DCHS2: variants seen among roughly 807,000 people sequenced by gnomAD.
DCHS2 encodes protocadherin-23.
A neutral mutation model predicts 182.4 loss-of-function variants in DCHS2; 142 were observed. That is an observed-to-expected ratio of 0.78 (90% CI 0.68 to 0.89). The LOEUF is 0.89. Ranked by LOEUF, DCHS2 falls within the 40% of genes least tolerant of loss-of-function variation. The pLI, the probability that DCHS2 is intolerant of heterozygous loss-of-function variation, is 0.00. For synonymous variants in DCHS2, 1,740 were observed against 1,663.3 expected, an observed-to-expected ratio of 1.05 and a Z score of -1.12; for missense variants, 4,319 against 4,198.6, an observed-to-expected ratio of 1.03 and a Z score of -0.79.
chr4:154,447,897 A>C (rs1734368592), intron 1 of DCHS2, among the ~76,000 whole-genome samples: 1 of 152,172 alleles, frequency 6.6e-6, no homozygotes, highest in Non-Finnish European at 1.5e-5. Flanking sequence ...TCCCTTAAAC[A>C]CACTCCCTCA....
chr4:154,250,109 A>C (rs752774223), intron 16 of DCHS2, among the ~76,000 whole-genome samples: 2 of 152,186 alleles, frequency 1.3e-5, no homozygotes, highest in African/African-American at 2.4e-5. Flanking sequence ...GTGAGCATCC[A>C]TGGATTTTTG....
At chr4:154,395,965 T>C (rs987349797) in intron 1 of DCHS2, among the ~76,000 whole-genome samples, 8 of 152,228 alleles carry the variant, frequency 5.3e-5, no homozygotes, top group Non-Finnish European at 1.2e-4. Flanking sequence ...GGAAGAGTTA[T>C]TCAAGGGAAG....
chr4:154,320,598 G>A lies in DCHS2; in HGVS notation c.4801C>T (p.Leu1601=). ...ACTATTTGTGCTGTCAGTGATCTCA[G>A]TCGCCGGTCTGTCACATTCACAGCC... ...DQAVNVTDRR[L]RSLTAQIVIL... Residue 1601 remains leucine (L), a synonymous_variant, in exon 9 of 20, where the codon CTG becomes TTG. Transcript: ENST00000357232. The A allele has an allele frequency of 6.2e-7, 1 of 1,614,108 alleles. No individual in the cohort carries two copies. Among genetic ancestry groups the A allele is most frequent in the Non-Finnish European group, 8.5e-7 (1 of 1,179,994 alleles).
At position 154,235,301 on chromosome 4, in the gene DCHS2, C is replaced by G; in HGVS notation, c.9351G>C (p.Lys3117Asn). 6.2e-7 allele frequency: 1 copy of G among 1,614,094 alleles called. No individual in the cohort carries two copies. The highest frequency in any genetic ancestry group is 8.5e-7 in the Non-Finnish European group (1 of 1,179,976). ...GGTCACTCAGAGCTGAGTCTGAGCA[C>G]TTTCTGTAGGGATGCTCATTTATCC... is the stretch of plus-strand genomic sequence containing the variant. ...IQRINEHPYR[K>N]CSDSALSDHE... The change falls in exon 20 of 20, where the codon AAG (lysine) becomes AAC (asparagine). Residue 3117 changes from lysine to asparagine, a missense_variant. Lys to Asn is a moderately conservative substitution (Grantham distance 94). Coordinates refer to ENST00000357232, the MANE Select transcript of DCHS2 (RefSeq NM_001358235.2).
intron 1 of DCHS2, among the ~76,000 whole-genome samples, chr4:154,444,624 T>C (rs1734189218): frequency 6.6e-6 from 1 of 152,092 alleles, no homozygotes; most frequent in South Asian, 2.1e-4. Flanking sequence ...AATCATGCTG[T>C]ATCACCCCCA....
At position 154,320,814 on chromosome 4, in the gene DCHS2, C is replaced by T. The variant is rs754641291; in HGVS notation, c.4585G>A (p.Val1529Met). 6.2e-7 allele frequency: 1 copy of T among 1,614,002 alleles called. No homozygotes were observed. The highest frequency in any genetic ancestry group is 8.5e-7 in the Non-Finnish European group (1 of 1,179,988). Residue 1529 changes from valine to methionine, a missense_variant, in exon 9 of 20, where the codon GTG (valine) becomes ATG (methionine). Val to Met is a conservative substitution (Grantham distance 21). Transcript: ENST00000357232. ...VEENVPIGTLVYVFNAKDDDG... is the reference protein window; with the variant it reads ...VEENVPIGTLMYVFNAKDDDG... ...TCATCTTTGGCATTGAAGACATACA[C>T]CAGGGTTCCTATGGGAACATTCTCC... is the stretch of plus-strand genomic sequence containing the variant.
intron 7 of DCHS2, 193 bp from the exon 8 acceptor site, chr4:154,322,681 C>A: frequency 2.9e-6 from 2 of 698,982 alleles, no homozygotes; most frequent in Non-Finnish European, 4.3e-6. Flanking sequence ...AAAATGCATA[C>A]AAAAAAGTGG....
chr4:154,419,228 A>G (rs1732995812), intron 1 of DCHS2, among the ~76,000 whole-genome samples: 1 of 152,194 alleles, frequency 6.6e-6, no homozygotes, highest in Non-Finnish European at 1.5e-5. Flanking sequence ...CAGCACAAAA[A>G]TTATTTTGTG....
At position 154,425,768 on chromosome 4, in the gene DCHS2, A is replaced by G. The variant is rs575616420; in HGVS notation, c.2053-48324T>C. Among the ~76,000 whole-genome samples the G allele has an allele frequency of 5.3e-5, 8 of 152,362 alleles. No individual in the cohort carries two copies. In the South Asian group the frequency reaches 1.4e-3, roughly 28 times the overall value. ...AGAGCTTTTTAAAAGTAATACTGTC[A>G]TCAGCTTCTCAGTGTGCACACCACA... On this transcript the variant is annotated intron_variant, in intron 1 of 19. Transcript: ENST00000357232.
At chr4:154,348,482 C>T (rs1216713460) in intron 3 of DCHS2, among the ~76,000 whole-genome samples, 3 of 151,816 alleles carry the variant, frequency 2.0e-5, no homozygotes, top group African/African-American at 7.3e-5. Flanking sequence ...AAATTTATGT[C>T]CACTTGGATC....
At chr4:154,278,424 G>C (rs1733967833) in intron 13 of DCHS2, among the ~76,000 whole-genome samples, 1 of 151,758 alleles carries the variant, frequency 6.6e-6, no homozygotes, top group Non-Finnish European at 1.5e-5. Flanking sequence ...AAGGAGAAGA[G>C]GGAAACAAAG....
chr4:154,265,563 G>A (rs528862883), intron 14 of DCHS2, among the ~76,000 whole-genome samples: 4 of 152,234 alleles, frequency 2.6e-5, no homozygotes, highest in South Asian at 4.1e-4. Context: ...GAGATTGCTC[G>A]AGTTCAGGAG....
intron 1 of DCHS2, among the ~76,000 whole-genome samples, chr4:154,405,091 A>C (rs1732343214): frequency 6.6e-6 from 1 of 152,012 alleles, no homozygotes; most frequent in Non-Finnish European, 1.5e-5. Context: ...CACTAAAAAT[A>C]CAAAAAAAAT....
intron 15 of DCHS2, among the ~76,000 whole-genome samples, chr4:154,257,030 A>T (rs1392914700): frequency 6.6e-6 from 1 of 152,168 alleles, no homozygotes; most frequent in African/African-American, 2.4e-5. Flanking sequence ...CGGGTGGATT[A>T]CGAGGTTAAG....
Position 154,386,156 on chromosome 4 carries a change from C to T in DCHS2, c.2053-8712G>A, listed in dbSNP as rs145414139. Among the ~76,000 whole-genome samples, 507 of 152,296 alleles carry T rather than the reference C, an allele frequency of 3.3e-3. 2 individuals are homozygous for T. The highest frequency in any genetic ancestry group is 0.012 in the African/African-American group (486 of 41,566). The stretch of plus-strand genomic sequence containing the variant: ...ATACTGTCTAAAATGACACCAAATC[C>T]TATTACTCTCTTGCTAAGAATCTTT... On this transcript the variant is annotated intron_variant, in intron 1 of 19. Transcript: ENST00000357232.
chr4:154,367,915 G>C (rs1164952086), intron 2 of DCHS2, among the ~76,000 whole-genome samples: 1 of 128,722 alleles, frequency 7.8e-6, no homozygotes, highest in African/African-American at 2.5e-5. Flanking sequence ...AGAAACGGCT[G>C]TCCTGCTCTG....
intron 1 of DCHS2, among the ~76,000 whole-genome samples, chr4:154,432,566 C>T (rs927320196): frequency 4.0e-5 from 6 of 151,410 alleles, no homozygotes; most frequent in African/African-American, 7.3e-5. Flanking sequence ...AAGTTAAATA[C>T]GCATGTTAAA....
At chr4:154,358,487 A>G (rs1344071769) in intron 3 of DCHS2, among the ~76,000 whole-genome samples, 1 of 152,218 alleles carries the variant, frequency 6.6e-6, no homozygotes, top group Non-Finnish European at 1.5e-5. Context: ...ACTTAATTGT[A>G]CTTGAAATAC....
intron 1 of DCHS2, among the ~76,000 whole-genome samples, chr4:154,421,620 C>G (rs946436697): frequency 6.6e-6 from 1 of 152,164 alleles, no homozygotes; most frequent in African/African-American, 2.4e-5. Context: ...GTCTCGAACT[C>G]CTGACCTCAA....
Sources: allele counts gnomAD v4.1 joint callset (sites outside exome capture counted in the v4.1 genomes callset), GRCh38; gene constraint gnomAD v4.1.1; transcripts MANE v1.5; gene names NCBI Gene and HGNC (gene_info 2026-07-23, HGNC 2026-07-21).